KIAA1217: variants seen among roughly 807,000 people sequenced by gnomAD.
KIAA1217 encodes KIAA1217.
Under a neutral mutation model 163.9 loss-of-function variants are expected in KIAA1217, and 88 were observed. That is an observed-to-expected ratio of 0.54 (90% CI 0.45 to 0.64). KIAA1217 has a LOEUF of 0.64. Ranked by LOEUF, KIAA1217 falls within the 30% of genes least tolerant of loss-of-function variation. KIAA1217 has a pLI of 0.00. For synonymous variants in KIAA1217, 903 were observed against 923.1 expected (o/e 0.98, Z 0.39); for missense variants, 2,372 against 2,475.0 (o/e 0.96, Z 0.88).
chr10:24,465,826 C>G (rs2062884444), intron 5 of KIAA1217, among the ~76,000 whole-genome samples: 2 of 152,152 alleles, frequency 1.3e-5, no homozygotes, highest in East Asian at 3.9e-4. Context: ...CTGGGGATCG[C>G]CTACCTTCTC....
At chr10:24,122,979 T>C (rs868371936) in intron 2 of KIAA1217, among the ~76,000 whole-genome samples, 4 of 151,988 alleles carry the variant, frequency 2.6e-5, no homozygotes, top group African/African-American at 9.7e-5. Context: ...ATATATTAGT[T>C]CAGAAAACTT....
chr10:23,746,010 C>T (rs12773502), intron 1 of KIAA1217, among the ~76,000 whole-genome samples: 25,792 of 152,084 alleles, frequency 0.17, 2,362 homozygotes, highest in Middle Eastern at 0.24. Flanking sequence ...TGTTCCCTGC[C>T]CTCCAGTAAC....
chr10:23,899,899 C>T (rs990707923), intron 1 of KIAA1217, among the ~76,000 whole-genome samples: 1 of 151,338 alleles, frequency 6.6e-6, no homozygotes, highest in Non-Finnish European at 1.5e-5. Flanking sequence ...CTTTGTTTTA[C>T]TTCTTTCTTT....
At chr10:24,074,840 C>T (rs2061317291) in intron 2 of KIAA1217, among the ~76,000 whole-genome samples, 2 of 151,820 alleles carry the variant, frequency 1.3e-5, no homozygotes, top group Admixed American at 1.3e-4. Flanking sequence ...GCTGACACTA[C>T]AGGTTGCATC....
At chr10:24,225,948 A>T (rs1206840822) in intron 2 of KIAA1217, among the ~76,000 whole-genome samples, 1 of 152,230 alleles carries the variant, frequency 6.6e-6, no homozygotes, top group South Asian at 2.1e-4. Flanking sequence ...ATGAGCCACT[A>T]TTTCTAATAC....
chr10:23,699,710 G>A (rs778763526), intron 1 of KIAA1217, among the ~76,000 whole-genome samples: 8 of 151,986 alleles, frequency 5.3e-5, no homozygotes, highest in East Asian at 3.8e-4. Context: ...CTGCAGCCTC[G>A]AACTCTTGGG....
At chr10:24,108,136 G>C (rs2062703097) in intron 2 of KIAA1217, among the ~76,000 whole-genome samples, 1 of 152,148 alleles carries the variant, frequency 6.6e-6, no homozygotes, top group Non-Finnish European at 1.5e-5. Context: ...CCTAAGGAAG[G>C]CTATTTTATT....
intron 1 of KIAA1217, among the ~76,000 whole-genome samples, chr10:23,753,572 G>A (rs761972823): frequency 2.6e-5 from 4 of 152,182 alleles, no homozygotes; most frequent in African/African-American, 7.2e-5. Context: ...GACTCAACTT[G>A]CTATAATATA....
chr10:23,948,556 TG>T lies in KIAA1217; in HGVS notation c.-320-58668del, dbSNP rs530984539. Among the ~76,000 whole-genome samples, 10 of 152,244 alleles carry T rather than the reference TG, an allele frequency of 6.6e-5. No individual in the cohort carries two copies. In the South Asian group the frequency reaches 1.5e-3, roughly 22 times the overall value. Reference sequence around the variant, plus strand: ...GTGTTTCCTAGTTACAATGTGATTTTGAGGGGAAAAAAAGAGTTTCTGTATC... The same window carrying T: ...GTGTTTCCTAGTTACAATGTGATTTTAGGGGAAAAAAAGAGTTTCTGTATC... On this transcript the variant is annotated intron_variant, in intron 1 of 18. Transcript: ENST00000376462.
chr10:24,136,157 TG>T (rs1162485305), intron 2 of KIAA1217, among the ~76,000 whole-genome samples: 1 of 152,114 alleles, frequency 6.6e-6, no homozygotes, highest in Non-Finnish European at 1.5e-5. Flanking sequence ...AATAGCAATA[TG>T]GATCCATTCG....
intron 1 of KIAA1217, among the ~76,000 whole-genome samples, chr10:23,842,669 G>C (rs546164184): frequency 4.7e-4 from 71 of 152,176 alleles, no homozygotes; most frequent in African/African-American, 1.7e-3. Flanking sequence ...GGTGGTGAAT[G>C]AAATGTTAGT....
At chr10:24,158,579 G>T in intron 2 of KIAA1217, 1 of 505,334 alleles carries the variant, frequency 2.0e-6, no homozygotes. Context: ...GTAATGGGAA[G>T]CACTGACAGA....
intron 1 of KIAA1217, among the ~76,000 whole-genome samples, chr10:23,732,592 C>T (rs1381407404): frequency 6.6e-5 from 10 of 152,104 alleles, no homozygotes; most frequent in South Asian, 2.1e-4. Flanking sequence ...ACAAAGAATC[C>T]GCTTTTGGTT....
chr10:23,988,235 G>T lies in KIAA1217; in HGVS notation c.-320-18990G>T, dbSNP rs570138016. On this transcript the variant is annotated intron_variant, in intron 1 of 18. Coordinates refer to the KIAA1217 transcript ENST00000376462. ...AGAAGCATTCTCACAAAGTTTGGAA[G>T]ACAGGCAGAAGCCAGATTGTTGCTC... 9.8e-4 allele frequency among the ~76,000 whole-genome samples: 150 copies of T among 152,322 alleles called. 1 individual carries two copies. Among genetic ancestry groups the T allele is most frequent in the African/African-American group, 3.5e-3 (146 of 41,578 alleles).
intron 15 of KIAA1217, 132 bp from the exon 16 acceptor site, chr10:24,532,938 C>G (rs769840542): frequency 4.3e-6 from 3 of 704,388 alleles, no homozygotes; most frequent in Non-Finnish European, 6.6e-6. Context: ...AATAAAATAG[C>G]CTTTCAGCTA....
intron 2 of KIAA1217, among the ~76,000 whole-genome samples, chr10:24,354,330 A>G (rs1287357223): frequency 6.6e-6 from 1 of 152,128 alleles, no homozygotes; most frequent in Non-Finnish European, 1.5e-5. Context: ...CAAACCCCTT[A>G]CAGGAGGGGG....
chr10:23,770,709 C>T (rs993006909), intron 1 of KIAA1217, among the ~76,000 whole-genome samples: 3 of 152,152 alleles, frequency 2.0e-5, no homozygotes, highest in Non-Finnish European at 2.9e-5. Flanking sequence ...CTATGATGCA[C>T]GGATCTTCCT....
chr10:23,717,119 G>T (rs2130751536), intron 1 of KIAA1217, among the ~76,000 whole-genome samples: 1 of 152,184 alleles, frequency 6.6e-6, no homozygotes, highest in East Asian at 1.9e-4. Flanking sequence ...CTGTCTTTTT[G>T]AAAGAGTTAC....
intron 2 of KIAA1217, among the ~76,000 whole-genome samples, chr10:24,352,500 A>C (rs1032882592): frequency 1.3e-5 from 2 of 151,922 alleles, no homozygotes; most frequent in Non-Finnish European, 2.9e-5. Flanking sequence ...TAAAAAGTAT[A>C]ATCTTTTTTT....
Sources: allele counts gnomAD v4.1 joint callset (sites outside exome capture counted in the v4.1 genomes callset), GRCh38; gene constraint gnomAD v4.1.1; transcripts MANE v1.5; gene names NCBI Gene and HGNC (gene_info 2026-07-23, HGNC 2026-07-21).